The following PLPPR1 variants were observed in gnomAD, a reference collection of about 807,000 sequenced individuals.
PLPPR1 encodes phospholipid phosphatase-related protein type 1.
A neutral mutation model predicts 33.1 loss-of-function variants in PLPPR1; 10 were observed. The ratio of observed to expected loss-of-function variants is 0.30; its 90% CI spans 0.19 to 0.51. The LOEUF is 0.51. Among genes scored for constraint, PLPPR1 ranks in the 20% least tolerant of loss-of-function variants. The pLI is 0.97. For synonymous variants in PLPPR1, 151 were observed against 151.0 expected (o/e 1.00, Z 0.00); for missense variants, 304 against 408.1 (o/e 0.74, Z 2.20).
intron 1 of PLPPR1, among the ~76,000 whole-genome samples, chr9:101,147,923 G>T (rs1291424867): frequency 3.9e-5 from 6 of 152,152 alleles, no homozygotes; most frequent in African/African-American, 1.4e-4. Context: ...AGTCCAAGGG[G>T]CTTTCTTTTT....
chr9:101,253,230 T>G (rs1381705809), intron 2 of PLPPR1, among the ~76,000 whole-genome samples: 1 of 152,060 alleles, frequency 6.6e-6, no homozygotes, highest in Non-Finnish European at 1.5e-5. Flanking sequence ...GGTGTCTTTT[T>G]TTTTTAATTT....
chr9:101,068,488 T>C (rs1440161309), intron 1 of PLPPR1, among the ~76,000 whole-genome samples: 1 of 151,962 alleles, frequency 6.6e-6, no homozygotes, highest in Non-Finnish European at 1.5e-5. Context: ...TTCTCAAGTC[T>C]TGCTAACCAG....
intron 2 of PLPPR1, among the ~76,000 whole-genome samples, chr9:101,260,765 T>C (rs949579152): frequency 6.6e-6 from 1 of 151,876 alleles, no homozygotes; most frequent in Non-Finnish European, 1.5e-5. Flanking sequence ...AATATAAGAA[T>C]GGAAGCCACG....
intron 1 of PLPPR1, among the ~76,000 whole-genome samples, chr9:101,083,801 T>C (rs1464764692): frequency 1.3e-5 from 2 of 152,154 alleles, no homozygotes; most frequent in Non-Finnish European, 2.9e-5. Context: ...TTCTTTATTT[T>C]AAATAACTAA....
intron 2 of PLPPR1, among the ~76,000 whole-genome samples, chr9:101,199,078 A>G (rs868024292): frequency 1.3e-5 from 2 of 152,216 alleles, no homozygotes; most frequent in African/African-American, 4.8e-5. Context: ...ACTATATACA[A>G]TAGATACCAT....
intron 2 of PLPPR1, among the ~76,000 whole-genome samples, chr9:101,229,805 T>G (rs960834605): frequency 2.0e-5 from 3 of 152,132 alleles, no homozygotes; most frequent in Non-Finnish European, 4.4e-5. Context: ...GCCTCTCCAA[T>G]TTCTGTGCCT....
chr9:101,132,614 A>G (rs1286521414), intron 1 of PLPPR1, among the ~76,000 whole-genome samples: 1 of 152,174 alleles, frequency 6.6e-6, no homozygotes, highest in Non-Finnish European at 1.5e-5. Context: ...TCCAAACCCA[A>G]AGAATATATA....
At chr9:101,319,212 T>G (rs1456738665) in intron 7 of PLPPR1, among the ~76,000 whole-genome samples, 2 of 152,234 alleles carry the variant, frequency 1.3e-5, no homozygotes, top group Non-Finnish European at 2.9e-5. Context: ...AGTCTCACTC[T>G]TTCGCCCAGG....
Position 101,309,283 on chromosome 9 carries a change from C to G in PLPPR1, c.458C>G (p.Thr153Arg). 2 of 1,614,154 alleles carry G rather than the reference C, an allele frequency of 1.2e-6. No homozygotes were observed. The highest frequency in any genetic ancestry group is 1.7e-6 in the Non-Finnish European group (2 of 1,180,016). Reference sequence around the variant, plus strand: ...GGACAAGTGGTCACTGGGCACTTAACGCCATACTTCCTGACTGTGTGCAAG... The same window carrying G: ...GGACAAGTGGTCACTGGGCACTTAAGGCCATACTTCCTGACTGTGTGCAAG... The part of the protein sequence containing the change: ...NAGQVVTGHL[T>R]PYFLTVCKPN... The change falls in exon 5 of 8, where the codon ACG becomes AGG. Residue 153 changes from threonine (T) to arginine (R), a missense_variant. Transcript: ENST00000374874.
At chr9:101,154,675 C>T (rs1285802871) in intron 1 of PLPPR1, among the ~76,000 whole-genome samples, 1 of 151,946 alleles carries the variant, frequency 6.6e-6, no homozygotes, top group Non-Finnish European at 1.5e-5. Flanking sequence ...ATGTTTATTG[C>T]AGCACTGTTC....
chr9:101,305,447 A>C (rs545285385), intron 4 of PLPPR1, among the ~76,000 whole-genome samples: 1 of 152,256 alleles, frequency 6.6e-6, no homozygotes, highest in East Asian at 1.9e-4. Flanking sequence ...TTTTGACTGG[A>C]GAATTACACA....
chr9:101,055,037 C>T (rs1330832093), intron 1 of PLPPR1, among the ~76,000 whole-genome samples: 1 of 152,148 alleles, frequency 6.6e-6, no homozygotes, highest in Non-Finnish European at 1.5e-5. Context: ...AACCTGAGCT[C>T]ATAGTTCAGT....
intron 2 of PLPPR1, among the ~76,000 whole-genome samples, chr9:101,234,874 A>G (rs2118829068): frequency 6.6e-6 from 1 of 152,090 alleles, no homozygotes; most frequent in Non-Finnish European, 1.5e-5. Context: ...ATCTGTGTTT[A>G]AATGTATCCT....
chr9:101,047,213 C>T lies in PLPPR1; in HGVS notation c.-46+18111C>T, dbSNP rs1208892984. On this transcript the variant is annotated intron_variant, in intron 1 of 7. Transcript: ENST00000374874. ...AGATTCCCCTCCTCTCATATACATACATTTAGTCCTTTTAACCATTTCTAG... is the reference window on the plus strand; with the variant it reads ...AGATTCCCCTCCTCTCATATACATATATTTAGTCCTTTTAACCATTTCTAG... 3.3e-5 allele frequency among the ~76,000 whole-genome samples: 5 copies of T among 152,206 alleles called. No individual in the cohort carries two copies. The East Asian group carries it at 5.8e-4, about 18-fold the overall frequency.
At chr9:101,238,117 G>A (rs1300692151) in intron 2 of PLPPR1, among the ~76,000 whole-genome samples, 1 of 135,370 alleles carries the variant, frequency 7.4e-6, no homozygotes, top group Non-Finnish European at 1.6e-5. Context: ...CTATATACGT[G>A]TGTGTATATA....
At chr9:101,058,263 C>A (rs770523780) in intron 1 of PLPPR1, among the ~76,000 whole-genome samples, 14 of 151,674 alleles carry the variant, frequency 9.2e-5, no homozygotes, top group Admixed American at 3.9e-4. Flanking sequence ...AGAAGTAGAC[C>A]CTGACAAGTA....
chr9:101,316,546 T>C (rs903000695), intron 6 of PLPPR1, among the ~76,000 whole-genome samples: 1 of 145,686 alleles, frequency 6.9e-6, no homozygotes, highest in African/African-American at 2.6e-5. Context: ...GCAGGAAAGA[T>C]TCGAACATGC....
chr9:101,192,534 G>A (rs76640159), intron 2 of PLPPR1, among the ~76,000 whole-genome samples: 2,682 of 152,080 alleles, frequency 0.018, 87 homozygotes, highest in African/African-American at 0.06. Context: ...ACTTCAAGGG[G>A]GGAAAAAAAA....
chr9:101,155,485 C>G (rs566328546), intron 1 of PLPPR1, among the ~76,000 whole-genome samples: 1 of 152,134 alleles, frequency 6.6e-6, no homozygotes, highest in Non-Finnish European at 1.5e-5. Context: ...AACCCGCACC[C>G]GTGACAACAG....
Sources: gnomAD v4.1 joint callset for allele counts (sites outside exome capture counted in the v4.1 genomes callset) on GRCh38, gnomAD v4.1.1 for gene constraint, MANE v1.5 for transcripts, NCBI Gene and HGNC (gene_info 2026-07-23, HGNC 2026-07-21) for gene names.